Variants in GTF3C5 observed in about 807,000 individuals in gnomAD.
GTF3C5 encodes the protein general transcription factor IIIC subunit 5, also known as general transcription factor 3C polypeptide 5.
In GTF3C5, 47 loss-of-function variants were observed where a neutral mutation model predicts 61.0. That is an observed-to-expected ratio of 0.77 (90% CI 0.61 to 0.98). The LOEUF (loss-of-function observed/expected upper bound fraction) is 0.98, where lower values mean the gene tolerates loss of function less well. GTF3C5 is among the 50% of genes least tolerant of loss of function. The pLI, the probability that GTF3C5 is intolerant of heterozygous loss-of-function variation, is 0.00. For missense variants in GTF3C5, 659 were observed against 703.3 expected (o/e 0.94, Z 0.71); for synonymous variants, 295 against 275.4 (o/e 1.07, Z -0.71).
At position 133,058,228 on chromosome 9, in the gene GTF3C5, A is replaced by C. The variant is rs1588484259; in HGVS notation, c.*248A>C. 2 of 1,196,306 alleles carry C rather than the reference A, an allele frequency of 1.7e-6. No individual in the cohort carries two copies. Among genetic ancestry groups the C allele is most frequent in the South Asian group, 1.9e-5 (1 of 51,990 alleles). The allele number at this position is 1,196,306 out of a possible 1,614,324, so 74.1% of individuals were successfully genotyped here. ...TATACCCTGGCTCTGCCACCCATGA[A>C]CCAGCCCAGCATCCAGCCAGTGAGT... On this transcript the variant is annotated 3_prime_UTR_variant, in exon 11 of 11. Transcript: ENST00000372097.
At chr9:133,041,548 T>C (rs1850039657) in intron 1 of GTF3C5, among the ~76,000 whole-genome samples, 1 of 152,190 alleles carries the variant, frequency 6.6e-6, no homozygotes, top group Non-Finnish European at 1.5e-5. Flanking sequence ...TTACCTATCA[T>C]TGGAGATGAC....
chr9:133,053,251 G>A (rs1850440231), intron 5 of GTF3C5, among the ~76,000 whole-genome samples: 1 of 152,120 alleles, frequency 6.6e-6, no homozygotes. Context: ...CAGGAACCAT[G>A]GTAAAGGCTC....
intron 8 of GTF3C5, chr9:133,055,400 C>G: frequency 7.8e-7 from 1 of 1,289,350 alleles, no homozygotes; most frequent in Non-Finnish European, 1.0e-6. Flanking sequence ...ATGCGAGGGA[C>G]TTGCTGTCCC....
chr9:133,037,243 T>G (rs2118978135), intron 1 of GTF3C5, among the ~76,000 whole-genome samples: 1 of 152,142 alleles, frequency 6.6e-6, no homozygotes, highest in East Asian at 1.9e-4. Flanking sequence ...CCACTGATGG[T>G]CGTATGGAAT....
At chr9:133,054,360 C>A in intron 6 of GTF3C5, 48 bp from the exon 7 acceptor site, 2 of 1,488,336 alleles carry the variant, frequency 1.3e-6, no homozygotes, top group South Asian at 2.3e-5. Flanking sequence ...TGTTGTGTGC[C>A]GACGGGCCCT....
intron 1 of GTF3C5, among the ~76,000 whole-genome samples, chr9:133,033,779 C>CG (rs1564193840): frequency 1.3e-5 from 2 of 152,298 alleles, no homozygotes; most frequent in Non-Finnish European, 2.9e-5. Flanking sequence ...GTTTAAAGTG[C>CG]GGACAGAATA....
intron 3 of GTF3C5, chr9:133,044,169 A>AAAG: frequency 1.9e-6 from 1 of 515,296 alleles, no homozygotes; most frequent in Non-Finnish European, 3.5e-6. Flanking sequence ...AAAAAAAAAA[A>AAAG]GAAAATGGGA....
chr9:133,044,030 A>G, intron 3 of GTF3C5, 104 bp downstream of exon 3: 2 of 808,986 alleles, frequency 2.5e-6, no homozygotes, highest in Non-Finnish European at 4.0e-6. Context: ...CTGTAATTCC[A>G]GCTACTCGGG....
At chr9:133,052,837 A>T (rs996535286) in intron 5 of GTF3C5, among the ~76,000 whole-genome samples, 4 of 151,574 alleles carry the variant, frequency 2.6e-5, no homozygotes, top group Non-Finnish European at 5.9e-5. Flanking sequence ...TATTTTATTT[A>T]TTTTATTTAT....
At chr9:133,051,890 T>C in intron 4 of GTF3C5, 170 bp from the exon 5 acceptor site, 1 of 462,740 alleles carries the variant, frequency 2.2e-6, no homozygotes, top group Admixed American at 4.2e-5. Context: ...AGGGAAGGGA[T>C]GAATTAGTGA....
chr9:133,057,489 G>A (rs901204207), intron 10 of GTF3C5, among the ~76,000 whole-genome samples: 2 of 152,212 alleles, frequency 1.3e-5, no homozygotes, highest in African/African-American at 4.8e-5. Context: ...GGGGTTCTTG[G>A]TCTTGCTTGG....
At position 133,055,500 on chromosome 9, in the gene GTF3C5, C is replaced by T. The variant is rs566120973; in HGVS notation, c.1168-512C>T. 3 of 1,199,518 alleles carry T rather than the reference C, an allele frequency of 2.5e-6. No individual in the cohort carries two copies. In the African/African-American group the frequency reaches 4.8e-5, roughly 19 times the overall value. The allele number at this position is 1,199,518 out of a possible 1,614,324, so 74.3% of individuals were successfully genotyped here. ...GCGATCATGCCACAGCCTGTGCGGC[C>T]TTCCTTCTCGAGGCCTCTCCTAGGA... is the stretch of plus-strand genomic sequence containing the variant. On this transcript the variant is annotated intron_variant, in intron 8 of 10. Transcript: ENST00000372097.
In GTF3C5 at chr9:133,050,913, G is replaced by A. The variant is rs746889623; in HGVS notation, c.703G>A (p.Ala235Thr). 2 of 1,614,042 alleles carry A rather than the reference G, an allele frequency of 1.2e-6. No homozygotes were observed. The highest frequency in any genetic ancestry group is 3.3e-5 in the Admixed American group (2 of 59,992). The change falls in exon 4 of 11, where the codon GCC becomes ACC. Residue 235 changes from alanine (A) to threonine (T), a missense_variant. Transcript: ENST00000372097. Reference protein sequence around the residue: ...EVPKQPLEAAAQTWRRVCTNP... With the variant: ...EVPKQPLEAATQTWRRVCTNP... ...GCCCAAGCAGCCACTGGAGGCTGCA[G>A]CCCAGACGTGGAGGAGAGTCTGCAC...
rs753021827 is a variant in GTF3C5, at chr9:133,050,859, A to G, written c.649A>G (p.Ile217Val). Residue 217 changes from isoleucine to valine, a missense_variant, in exon 4 of 11, where the codon ATC (isoleucine) becomes GTC (valine). Transcript: ENST00000372097. ...LSRARRPHNA[I>V]FVNFEDEEVP... Reference sequence around the variant, plus strand: ...CAGAGCCCGGCGCCCCCACAATGCCATCTTTGTCAACTTTGAGGATGAGGA... The same window carrying G: ...CAGAGCCCGGCGCCCCCACAATGCCGTCTTTGTCAACTTTGAGGATGAGGA... The G allele has an allele frequency of 2.5e-6, 4 of 1,612,278 alleles. No homozygotes were observed. Among genetic ancestry groups the G allele is most frequent in the Non-Finnish European group, 2.5e-6 (3 of 1,179,328 alleles).
At position 133,054,743 on chromosome 9, in the gene GTF3C5, G is replaced by A. The variant is rs1250119188; in HGVS notation, c.1101G>A (p.Lys367=). The A allele has an allele frequency of 6.3e-7, 1 of 1,582,904 alleles. No individual in the cohort carries two copies. The highest frequency in any genetic ancestry group is 1.7e-4 in the Middle Eastern group (1 of 6,020). ...AGCTTGTCACCATGCATGACCTGAAGCAGGGCCTGGGCCCGTCGGGGACGA... is the reference window on the plus strand; with the variant it reads ...AGCTTGTCACCATGCATGACCTGAAACAGGGCCTGGGCCCGTCGGGGACGA... ...SSQLVTMHDL[K]QGLGPSGTSG... is the part of the protein sequence containing the mutation. Residue 367 remains lysine, a synonymous_variant, in exon 8 of 11, where the codon AAG becomes AAA. Coordinates refer to ENST00000372097, the MANE Select transcript of GTF3C5 (RefSeq NM_012087.4).
chr9:133,051,408 A>G (rs1850371360), intron 4 of GTF3C5, among the ~76,000 whole-genome samples: 1 of 151,966 alleles, frequency 6.6e-6, no homozygotes, highest in African/African-American at 2.4e-5. Context: ...CTGCGTCCCC[A>G]CTGGCATGAG....
At chr9:133,034,436 G>C (rs989470623) in intron 1 of GTF3C5, among the ~76,000 whole-genome samples, 2 of 152,186 alleles carry the variant, frequency 1.3e-5, no homozygotes, top group African/African-American at 4.8e-5. Context: ...TGGTTAGCCT[G>C]AGTCACATTG....
At chr9:133,046,684 A>C (rs760367560) in intron 3 of GTF3C5, among the ~76,000 whole-genome samples, 1 of 152,146 alleles carries the variant, frequency 6.6e-6, no homozygotes, top group South Asian at 2.1e-4. Flanking sequence ...GCATGAGTAC[A>C]TGGCTGGGAG....
chr9:133,031,822 C>T (rs1056127072), intron 1 of GTF3C5, among the ~76,000 whole-genome samples: 2 of 152,088 alleles, frequency 1.3e-5, no homozygotes, highest in Non-Finnish European at 2.9e-5. Flanking sequence ...AGGGCAGGGG[C>T]ACAGGCCTGA....
Sources: allele counts gnomAD v4.1 joint callset (sites outside exome capture counted in the v4.1 genomes callset), GRCh38; gene constraint gnomAD v4.1.1; transcripts MANE v1.5; gene names NCBI Gene and HGNC (gene_info 2026-07-23, HGNC 2026-07-21).